LIN7A: variants seen among roughly 807,000 people sequenced by gnomAD.
LIN7A encodes the protein lin-7 cell polarity scaffold A, also known as protein lin-7 homolog A.
A neutral mutation model predicts 29.8 loss-of-function variants in LIN7A; 25 were observed. The ratio of observed to expected loss-of-function variants is 0.84; its 90% confidence interval spans 0.61 to 1.17. The LOEUF (loss-of-function observed/expected upper bound fraction) is 1.17, where lower values mean the gene tolerates loss of function less well. LIN7A is among the 50% of genes most tolerant of loss of function. The pLI is 0.00. For synonymous variants in LIN7A, 118 were observed against 107.5 expected (o/e 1.10, Z -0.60); for missense variants, 239 against 287.0 (o/e 0.83, Z 1.21).
chr12:80,802,213 C>T (rs868623793), intron 5 of LIN7A, among the ~76,000 whole-genome samples: 1 of 152,060 alleles, frequency 6.6e-6, no homozygotes. Context: ...TTTTAAGATT[C>T]CGCTTATAAG....
rs558339954 is a variant in LIN7A at position 80,903,326 on chromosome 12, G to A, written c.83-13957C>T. Among the ~76,000 whole-genome samples the A allele has an allele frequency of 2.0e-3, 306 of 151,994 alleles. 1 individual carries two copies. Among genetic ancestry groups the A allele is most frequent in the African/African-American group, 7.0e-3 (292 of 41,504 alleles). On this transcript the variant is annotated intron_variant, in intron 1 of 5. Coordinates refer to ENST00000552864, the MANE Select transcript of LIN7A (RefSeq NM_004664.4). ...AGCTATTATTGTCTGATTGATGTAT[G>A]CTGTACCCATTAAGTAATTTTTCAT...
chr12:80,855,002 C>T (rs1376224841), intron 2 of LIN7A, among the ~76,000 whole-genome samples: 2 of 152,034 alleles, frequency 1.3e-5, no homozygotes, highest in Admixed American at 1.3e-4. Context: ...TGGATAAGAA[C>T]ATCTCTTTAA....
chr12:80,886,206 T>G (rs1420431808), intron 2 of LIN7A, among the ~76,000 whole-genome samples: 1 of 22,716 alleles, frequency 4.4e-5, no homozygotes, highest in African/African-American at 5.7e-5. Context: ...ACTTCAAAGT[T>G]TTTTTTTTTT....
intron 2 of LIN7A, among the ~76,000 whole-genome samples, chr12:80,881,542 AATATTAAAACATT>A (rs1875035316): frequency 6.6e-6 from 1 of 152,166 alleles, no homozygotes; most frequent in Non-Finnish European, 1.5e-5. Flanking sequence ...AAACAATAAA[AATATTAAAACATT>A]AAATACATTA....
intron 5 of LIN7A, among the ~76,000 whole-genome samples, chr12:80,807,769 A>T (rs915751134): frequency 6.6e-6 from 1 of 152,202 alleles, no homozygotes; most frequent in African/African-American, 2.4e-5. Flanking sequence ...AAGGATGTGG[A>T]CAAAATGACT....
At chr12:80,927,197 C>G (rs1279883855) in intron 1 of LIN7A, among the ~76,000 whole-genome samples, 1 of 130,248 alleles carries the variant, frequency 7.7e-6, no homozygotes, top group Non-Finnish European at 1.6e-5. Flanking sequence ...AGTCTCGCTC[C>G]GTCGCCCAGG....
chr12:80,820,969 G>C (rs1871777023), intron 4 of LIN7A, among the ~76,000 whole-genome samples: 1 of 152,174 alleles, frequency 6.6e-6, no homozygotes, highest in South Asian at 2.1e-4. Flanking sequence ...AGTTCTCATT[G>C]TTTGCCTCCA....
chr12:80,936,080 A>G (rs1256418836), intron 1 of LIN7A, among the ~76,000 whole-genome samples: 2 of 152,200 alleles, frequency 1.3e-5, no homozygotes, highest in African/African-American at 4.8e-5. Flanking sequence ...ATTAAAACAT[A>G]AATACTTGGG....
At chr12:80,870,229 A>G (rs1198564018) in intron 2 of LIN7A, among the ~76,000 whole-genome samples, 1 of 152,218 alleles carries the variant, frequency 6.6e-6, no homozygotes, top group African/African-American at 2.4e-5. Context: ...ATATTATAAA[A>G]AGCTGGTCCT....
intron 5 of LIN7A, 115 bp from the exon 6 acceptor site, chr12:80,797,841 G>T (rs183009367): frequency 6.6e-6 from 1 of 152,430 alleles, no homozygotes; most frequent in Admixed American, 6.5e-5. Context: ...GATTATTTTG[G>T]GTGCTATCAT....
At chr12:80,869,723 A>G (rs1874328457) in intron 2 of LIN7A, among the ~76,000 whole-genome samples, 1 of 151,788 alleles carries the variant, frequency 6.6e-6, no homozygotes. Flanking sequence ...TACTAAAAGC[A>G]TAACTCAACC....
chr12:80,846,045 A>G (rs1592889586), intron 3 of LIN7A, 106 bp from the exon 4 acceptor site: 1 of 922,826 alleles, frequency 1.1e-6, no homozygotes, highest in East Asian at 2.8e-5. Context: ...ATATTTTTAT[A>G]GTATTCTCCT....
intron 4 of LIN7A, 118 bp from the exon 5 acceptor site, chr12:80,811,801 C>G: frequency 8.7e-7 from 1 of 1,147,582 alleles, no homozygotes; most frequent in Non-Finnish European, 1.2e-6. Context: ...GAAAACATGG[C>G]AAATGAGTTA....
chr12:80,937,530 C>CA (rs1236981570), intron 1 of LIN7A, 111 bp downstream of exon 1: 3 of 692,008 alleles, frequency 4.3e-6, no homozygotes, highest in African/African-American at 1.9e-5. Context: ...CGTCCTCGTT[C>CA]CCCTTCTCCT....
chr12:80,923,833 T>C (rs1430733063), intron 1 of LIN7A, among the ~76,000 whole-genome samples: 25 of 152,234 alleles, frequency 1.6e-4, no homozygotes, highest in Admixed American at 1.6e-3. Context: ...GCTCCATTCC[T>C]CTTTGTTTAG....
chr12:80,812,708 C>T (rs774872621), intron 4 of LIN7A, among the ~76,000 whole-genome samples: 8 of 151,914 alleles, frequency 5.3e-5, no homozygotes, highest in East Asian at 1.9e-4. Flanking sequence ...TGCAACACCA[C>T]GCCCGGCTAA....
chr12:80,874,691 A>G (rs1874594796), intron 2 of LIN7A, among the ~76,000 whole-genome samples: 1 of 152,232 alleles, frequency 6.6e-6, no homozygotes, highest in South Asian at 2.1e-4. Context: ...CAAGCATTAA[A>G]ATAATGTTTC....
intron 4 of LIN7A, chr12:80,842,169 C>G (rs1186864697): frequency 7.9e-7 from 1 of 1,263,056 alleles, no homozygotes; most frequent in Non-Finnish European, 1.0e-6. Flanking sequence ...TGTATTTTGT[C>G]TTTATTTTTA....
At chr12:80,825,918 C>T (rs1412276244) in intron 4 of LIN7A, among the ~76,000 whole-genome samples, 2 of 152,120 alleles carry the variant, frequency 1.3e-5, no homozygotes, top group East Asian at 1.9e-4. Context: ...TAATATAAAA[C>T]ATCAGGGGGA....
Sources: allele counts gnomAD v4.1 joint callset (sites outside exome capture counted in the v4.1 genomes callset), GRCh38; gene constraint gnomAD v4.1.1; transcripts MANE v1.5; gene names NCBI Gene and HGNC (gene_info 2026-07-23, HGNC 2026-07-21).